ARL15: variants seen among roughly 807,000 people sequenced by gnomAD.
The protein encoded by ARL15 is ARF like GTPase 15.
Under a neutral mutation model 25.2 loss-of-function variants are expected in ARL15, and 19 were observed. That is an observed-to-expected ratio of 0.75 (90% confidence interval 0.53 to 1.10). The LOEUF (loss-of-function observed/expected upper bound fraction) is 1.10, where lower values mean the gene tolerates loss of function less well. ARL15 is among the 50% of genes least tolerant of loss of function. The pLI is 0.00. For synonymous variants in ARL15, 94 were observed against 86.8 expected (o/e 1.08, Z -0.46); for missense variants, 220 against 246.0 (o/e 0.89, Z 0.71).
intron 1 of ARL15, among the ~76,000 whole-genome samples, chr5:54,192,795 T>C (rs1755443980): frequency 6.6e-6 from 1 of 152,084 alleles, no homozygotes; most frequent in Non-Finnish European, 1.5e-5. Context: ...CTTAAGTGTT[T>C]CAAGAGGGAG....
intron 3 of ARL15, among the ~76,000 whole-genome samples, chr5:54,143,785 G>A (rs1015874049): frequency 7.9e-5 from 12 of 151,692 alleles, no homozygotes; most frequent in South Asian, 2.1e-4. Context: ...ATTTGATCCC[G>A]GTGAACTCTT....
chr5:54,128,257 C>A (rs1350556624), intron 3 of ARL15, among the ~76,000 whole-genome samples: 1 of 152,202 alleles, frequency 6.6e-6, no homozygotes, highest in African/African-American at 2.4e-5. Context: ...GATCCTGCAG[C>A]AAACTGATTA....
intron 4 of ARL15, among the ~76,000 whole-genome samples, chr5:53,945,958 C>T (rs1746712502): frequency 6.6e-6 from 1 of 152,184 alleles, no homozygotes; most frequent in African/African-American, 2.4e-5. Flanking sequence ...AGTGGAGACA[C>T]CACAGGCTTT....
At chr5:54,046,897 A>T (rs1022600603) in intron 4 of ARL15, among the ~76,000 whole-genome samples, 6 of 152,146 alleles carry the variant, frequency 3.9e-5, no homozygotes, top group African/African-American at 1.4e-4. Context: ...CCAGGGCCTT[A>T]TGGGGAATGC....
intron 4 of ARL15, among the ~76,000 whole-genome samples, chr5:54,016,262 A>C (rs542792940): frequency 6.6e-6 from 1 of 152,202 alleles, no homozygotes; most frequent in South Asian, 2.1e-4. Flanking sequence ...ATTTTTTCCA[A>C]GTGTTTGTCG....
chr5:54,130,069 T>C (rs893137710), intron 3 of ARL15, among the ~76,000 whole-genome samples: 30 of 151,976 alleles, frequency 2.0e-4, no homozygotes, highest in African/African-American at 6.8e-4. Flanking sequence ...GGAGACCTCG[T>C]CTCTACAAAA....
rs779240827 is a variant in ARL15, at chr5:54,305,630, C to T, written c.48+4802G>A. Among the ~76,000 whole-genome samples, 247 of 152,276 alleles carry T rather than the reference C, an allele frequency of 1.6e-3. 1 individual carries two copies. Among genetic ancestry groups the T allele is most frequent in the Non-Finnish European group, 1.5e-3 (99 of 68,030 alleles). On this transcript the variant is annotated intron_variant, in intron 1 of 4. Coordinates refer to ENST00000504924, the MANE Select transcript of ARL15 (RefSeq NM_019087.3). ...CACACTATATTTTTTCCTATACACA[C>T]ACACCTATGATAAAGTTTAATGTGT...
intron 3 of ARL15, among the ~76,000 whole-genome samples, chr5:54,143,085 T>C (rs1482045496): frequency 1.3e-5 from 2 of 152,180 alleles, no homozygotes; most frequent in Non-Finnish European, 2.9e-5. Context: ...ACATATATTT[T>C]CTATTTGATT....
intron 3 of ARL15, among the ~76,000 whole-genome samples, chr5:54,121,138 T>C (rs1198813435): frequency 6.6e-6 from 1 of 152,218 alleles, no homozygotes; most frequent in South Asian, 2.1e-4. Flanking sequence ...TCCCTCACTT[T>C]GAGTGTTTTT....
In ARL15 at chr5:54,127,828, T is replaced by C. The variant is rs551239644; in HGVS notation, c.254-14418A>G. Among the ~76,000 whole-genome samples, 273 of 150,984 alleles carry C rather than the reference T, an allele frequency of 1.8e-3. 1 individual carries two copies. The highest frequency in any genetic ancestry group is 0.017 in the Middle Eastern group (5 of 292). On this transcript the variant is annotated intron_variant, in intron 3 of 4. Transcript: ENST00000504924. Reference sequence around the variant, plus strand: ...ACTGGTACCAAAACAGAGATATAGATCAATGGAACAGAACAGAGCCCTCAG... The same window carrying C: ...ACTGGTACCAAAACAGAGATATAGACCAATGGAACAGAACAGAGCCCTCAG...
chr5:54,212,948 A>G (rs1244839798), intron 1 of ARL15, among the ~76,000 whole-genome samples: 2 of 152,316 alleles, frequency 1.3e-5, no homozygotes, highest in Admixed American at 1.3e-4. Context: ...GGAAAAATAA[A>G]GTTGTTAAAT....
At chr5:54,077,312 T>TA (rs1751641914) in intron 4 of ARL15, among the ~76,000 whole-genome samples, 1 of 152,148 alleles carries the variant, frequency 6.6e-6, no homozygotes, top group Non-Finnish European at 1.5e-5. Flanking sequence ...AGAAGCAACG[T>TA]AAAAAGTGTC....
chr5:54,188,013 T>A (rs760648768), intron 1 of ARL15, among the ~76,000 whole-genome samples: 13 of 152,154 alleles, frequency 8.5e-5, no homozygotes, highest in Non-Finnish European at 1.8e-4. Flanking sequence ...ATAAAAACAT[T>A]CTGGTTTTTG....
chr5:54,061,920 G>A (rs1043110356), intron 4 of ARL15, among the ~76,000 whole-genome samples: 2 of 152,198 alleles, frequency 1.3e-5, no homozygotes, highest in African/African-American at 4.8e-5. Context: ...GCCCACGAAA[G>A]CAGCCAGGAG....
intron 1 of ARL15, among the ~76,000 whole-genome samples, chr5:54,247,811 T>A (rs1757130473): frequency 6.6e-6 from 1 of 151,994 alleles, no homozygotes; most frequent in Non-Finnish European, 1.5e-5. Context: ...GCTTGTCAGG[T>A]TGGGCAGTTA....
chr5:54,095,291 T>C (rs751910904), intron 4 of ARL15, among the ~76,000 whole-genome samples: 5 of 152,196 alleles, frequency 3.3e-5, no homozygotes, highest in African/African-American at 1.2e-4. Flanking sequence ...TGTTTATGCA[T>C]AGGAAGATGT....
chr5:54,204,822 C>T (rs1266319254), intron 1 of ARL15, among the ~76,000 whole-genome samples: 1 of 152,086 alleles, frequency 6.6e-6, no homozygotes, highest in African/African-American at 2.4e-5. Flanking sequence ...GTAGTTATCG[C>T]TCAGAATCCA....
chr5:54,019,045 T>C (rs1579705331), intron 4 of ARL15, among the ~76,000 whole-genome samples: 1 of 152,190 alleles, frequency 6.6e-6, no homozygotes, highest in African/African-American at 2.4e-5. Flanking sequence ...ATGAAATGCA[T>C]TGGCATCTTA....
At chr5:54,007,052 TAA>T (rs1749068061) in intron 4 of ARL15, among the ~76,000 whole-genome samples, 2 of 152,074 alleles carry the variant, frequency 1.3e-5, no homozygotes, top group African/African-American at 2.4e-5. Flanking sequence ...TTCAAAAAAA[TAA>T]AGTTAGGTGA....
Sources: allele counts gnomAD v4.1 joint callset (sites outside exome capture counted in the v4.1 genomes callset), GRCh38; gene constraint gnomAD v4.1.1; transcripts MANE v1.5; gene names NCBI Gene and HGNC (gene_info 2026-07-23, HGNC 2026-07-21).